The following SCARA3 variants were observed in gnomAD, a reference collection of about 807,000 sequenced individuals.
The protein encoded by SCARA3 is scavenger receptor class A member 3, also known as cellular stress response gene protein.
SCARA3 carries 39 observed loss-of-function variants against 47.0 expected under a neutral mutation model. The observed-to-expected ratio is 0.83, with a 90% confidence interval of 0.64 to 1.08. The LOEUF (loss-of-function observed/expected upper bound fraction) is 1.08. SCARA3 is among the 50% of genes least tolerant of loss of function. SCARA3 has a pLI of 0.00. For missense variants in SCARA3, 724 were observed against 792.3 expected (o/e 0.91, Z 1.04); for synonymous variants, 356 against 334.1 (o/e 1.07, Z -0.71).
chr8:27,681,167 A>G (rs1183917045), downstream of SCARA3, among the ~76,000 whole-genome samples: 1 of 152,200 alleles, frequency 6.6e-6, no homozygotes, highest in East Asian at 1.9e-4. Context: ...TAAAGTAAAG[A>G]TAACTTATAA....
chr8:27,655,951 C>G (rs186359082), intron 3 of SCARA3, among the ~76,000 whole-genome samples: 1 of 152,278 alleles, frequency 6.6e-6, no homozygotes, highest in African/African-American at 2.4e-5. Context: ...GTACAGTAGT[C>G]CCCGTTTATC....
chr8:27,694,401 G>A, the SCARA3 span, among the ~76,000 whole-genome samples: 4 of 126,750 alleles, frequency 3.2e-5, no homozygotes, highest in Non-Finnish European at 7.0e-5. Context: ...AGGAACACCC[G>A]CCATGTGCTC....
At chr8:27,674,350 C>T (rs1166409743), downstream of SCARA3, among the ~76,000 whole-genome samples, 1 of 152,174 alleles carries the variant, frequency 6.6e-6, no homozygotes, top group Non-Finnish European at 1.5e-5. Context: ...GCCATGGAAA[C>T]GGGGCAGGTT....
Position 27,672,058 on chromosome 8 carries a change from A to G in SCARA3, c.*707A>G. On this transcript the variant is annotated 3_prime_UTR_variant, in exon 6 of 6. Transcript: ENST00000301904. ...CCTTTGCGGGTGGGGCGTTACTGCCAAAACTCCAGAGGCAAAGTGGACCTG... is the reference window on the plus strand; with the variant it reads ...CCTTTGCGGGTGGGGCGTTACTGCCGAAACTCCAGAGGCAAAGTGGACCTG... 3.0e-6 allele frequency: 3 copies of G among 985,396 alleles called. No individual in the cohort carries two copies. Among genetic ancestry groups the G allele is most frequent in the Non-Finnish European group, 2.4e-6 (2 of 829,940 alleles). 61.0% of individuals were successfully genotyped at this position (985,396 alleles called of 1,614,324 possible).
chr8:27,713,662 C>G, the SCARA3 span, among the ~76,000 whole-genome samples: 1 of 152,112 alleles, frequency 6.6e-6, no homozygotes, highest in Admixed American at 6.5e-5. Flanking sequence ...TGAGTTGTCC[C>G]CATTGTTCCT....
chr8:27,636,088 G>A (rs1202860718), intron 1 of SCARA3, among the ~76,000 whole-genome samples: 2 of 152,192 alleles, frequency 1.3e-5, no homozygotes, highest in African/African-American at 4.8e-5. Context: ...GGGGAGCCTC[G>A]CCCCAAGTCC....
At chr8:27,679,081 T>A (rs939659724), downstream of SCARA3, among the ~76,000 whole-genome samples, 4 of 152,134 alleles carry the variant, frequency 2.6e-5, no homozygotes, top group Non-Finnish European at 5.9e-5. Context: ...GTTTTCTTCA[T>A]GTTGTTGCTT....
Position 27,637,417 on chromosome 8 carries a change from C to T in SCARA3, c.7+3210C>T, listed in dbSNP as rs189646750. Among the ~76,000 whole-genome samples the T allele has an allele frequency of 3.7e-4, 57 of 152,332 alleles. 1 individual carries two copies. The highest frequency in any genetic ancestry group is 3.4e-3 in the Middle Eastern group (1 of 294). ...CACTTCCAGTAAGAGTGACCCACCC[C>T]CAAGATGCCCAAGACACAGGCTGGT... On this transcript the variant is annotated intron_variant, in intron 1 of 5. Transcript: ENST00000301904.
rs140184501 is a variant in SCARA3 at position 27,658,040 on chromosome 8, A to T, written c.326-456A>T. Reference sequence around the variant, plus strand: ...TAGAGTGGTCTTATCTGACGCAAATAGAAGGTTCTGGTCTGGCACCAATAT... The same window carrying T: ...TAGAGTGGTCTTATCTGACGCAAATTGAAGGTTCTGGTCTGGCACCAATAT... On this transcript the variant is annotated intron_variant, in intron 4 of 5. Transcript: ENST00000301904. Among the ~76,000 whole-genome samples, 491 of 152,320 alleles carry T rather than the reference A, an allele frequency of 3.2e-3. 5 individuals are homozygous for T. The highest frequency in any genetic ancestry group is 0.011 in the African/African-American group (466 of 41,566).
At chr8:27,647,378 G>A (rs1413926644) in intron 1 of SCARA3, among the ~76,000 whole-genome samples, 1 of 152,166 alleles carries the variant, frequency 6.6e-6, no homozygotes, top group Non-Finnish European at 1.5e-5. Flanking sequence ...CTAAACCCCA[G>A]GTCTCCTTTG....
Position 27,639,860 on chromosome 8 carries a change from G to A in SCARA3, c.7+5653G>A, listed in dbSNP as rs1449507381. Reference sequence around the variant, plus strand: ...GAGGAAATGACCCACCGCGTTGACTGCTGATCAGCAGAGTTAGCTCAGGAT... The same window carrying A: ...GAGGAAATGACCCACCGCGTTGACTACTGATCAGCAGAGTTAGCTCAGGAT... On this transcript the variant is annotated intron_variant, in intron 1 of 5. Coordinates refer to ENST00000301904, the MANE Select transcript of SCARA3 (RefSeq NM_016240.3). Among the ~76,000 whole-genome samples, 28 of 152,220 alleles carry A rather than the reference G, an allele frequency of 1.8e-4. 1 individual carries two copies. Among genetic ancestry groups the A allele is most frequent in the Admixed American group, 1.8e-3 (28 of 15,282 alleles).
At chr8:27,673,440 G>T (rs543482118), downstream of SCARA3, among the ~76,000 whole-genome samples, 7 of 152,252 alleles carry the variant, frequency 4.6e-5, no homozygotes, top group Non-Finnish European at 8.8e-5. Flanking sequence ...TGCGGATTAC[G>T]GAAGAGGACA....
At chr8:27,662,621 C>T (rs1801935474) in intron 5 of SCARA3, among the ~76,000 whole-genome samples, 1 of 152,204 alleles carries the variant, frequency 6.6e-6, no homozygotes, top group African/African-American at 2.4e-5. Flanking sequence ...ATTGCCCTTT[C>T]CATGATGGAA....
chr8:27,667,858 C>G (rs1043516276), intron 5 of SCARA3, among the ~76,000 whole-genome samples: 7 of 152,134 alleles, frequency 4.6e-5, no homozygotes, highest in Non-Finnish European at 7.3e-5. Context: ...CAGTAGCCCA[C>G]GCGGAGACCC....
intron 1 of SCARA3, among the ~76,000 whole-genome samples, chr8:27,639,833 G>A (rs559278499): frequency 6.6e-5 from 10 of 152,304 alleles, no homozygotes; most frequent in Admixed American, 5.2e-4. Flanking sequence ...AGTTCCAAGG[G>A]GGAGGAAATG....
At chr8:27,679,673 T>A (rs562063751), downstream of SCARA3, among the ~76,000 whole-genome samples, 3 of 152,330 alleles carry the variant, frequency 2.0e-5, no homozygotes, top group South Asian at 4.1e-4. Flanking sequence ...ATACATTATT[T>A]TCAAGGGCAC....
the SCARA3 span, among the ~76,000 whole-genome samples, chr8:27,706,940 G>A: frequency 1.3e-4 from 20 of 152,210 alleles, no homozygotes; most frequent in South Asian, 1.0e-3. Context: ...TGAGGGCATA[G>A]GATGGAAAGC....
At chr8:27,696,877 G>A in the SCARA3 span, among the ~76,000 whole-genome samples, 3 of 152,096 alleles carry the variant, frequency 2.0e-5, no homozygotes, top group African/African-American at 4.8e-5. Context: ...TCATTGCCAG[G>A]GGCAGTGATG....
chr8:27,659,564 T>A (rs1801846869), intron 5 of SCARA3, 25 bp downstream of exon 5: 2 of 1,560,482 alleles, frequency 1.3e-6, no homozygotes, highest in Middle Eastern at 1.7e-4. Context: ...CAGGTAGGGC[T>A]GCTACAAAGC....
Sources: gnomAD v4.1 joint callset for allele counts (sites outside exome capture counted in the v4.1 genomes callset) on GRCh38, gnomAD v4.1.1 for gene constraint, MANE v1.5 for transcripts, NCBI Gene and HGNC (gene_info 2026-07-23, HGNC 2026-07-21) for gene names.